Variants in KIR2DL1 observed in about 807,000 individuals in gnomAD.
The protein encoded by KIR2DL1 is killer cell immunoglobulin-like receptor 2DL1.
In KIR2DL1, 38 loss-of-function variants were observed where a neutral mutation model predicts 33.9. The observed-to-expected ratio is 1.12, with a 90% confidence interval of 0.86 to 1.47. KIR2DL1 has a LOEUF of 1.47. Among genes scored for constraint, KIR2DL1 ranks in the 40% most tolerant of loss-of-function variants. The pLI, the probability that KIR2DL1 is intolerant of heterozygous loss-of-function variation, is 0.00. For synonymous variants in KIR2DL1, 179 were observed against 165.9 expected (o/e 1.08, Z -0.61); for missense variants, 531 against 433.9 (o/e 1.22, Z -1.99).
In KIR2DL1 at chr19:54,769,857, C is replaced by A. The variant is rs369195922; in HGVS notation, c.7C>A (p.Leu3Ile). Residue 3 changes from leucine (L) to isoleucine (I), a missense_variant, in exon 1 of 8, where the codon CTC becomes ATC. By Grantham distance (5) the Leu-to-Ile change is conservative (BLOSUM62 2). Transcript: ENST00000336077. MS[L>I]LVVSMACVGF... ...TGTCTGCTCCGGCAGCACCATGTCGCTCTTGGTCGTCAGCATGGCGTGTGT... is the reference window on the plus strand; with the variant it reads ...TGTCTGCTCCGGCAGCACCATGTCGATCTTGGTCGTCAGCATGGCGTGTGT... The A allele has an allele frequency of 6.4e-7, 1 of 1,570,490 alleles. No homozygotes were observed. The highest frequency in any genetic ancestry group is 8.7e-7 in the Non-Finnish European group (1 of 1,147,610).
intron 1 of KIR2DL1, 128 bp downstream of exon 1, chr19:54,770,012 G>C: frequency 8.3e-7 from 1 of 1,208,458 alleles, no homozygotes; most frequent in Non-Finnish European, 1.2e-6. Context: ...TGGATATATG[G>C]GCCTAGAGAT....
At chr19:54,772,895 T>G (rs185518031) in intron 2 of KIR2DL1, among the ~76,000 whole-genome samples, 7 of 136,540 alleles carry the variant, frequency 5.1e-5, no homozygotes, top group East Asian at 2.0e-4. Context: ...TCCCAGTCCC[T>G]ACCAGGAACA....
chr19:54,774,927 G>C (rs2076148065), intron 3 of KIR2DL1, among the ~76,000 whole-genome samples: 2 of 148,490 alleles, frequency 1.3e-5, no homozygotes, highest in Admixed American at 6.8e-5. Flanking sequence ...GAGAGTCAGA[G>C]AGAATAAAAC....
At chr19:54,777,241 C>A (rs2076459350) in intron 4 of KIR2DL1, among the ~76,000 whole-genome samples, 1 of 149,470 alleles carries the variant, frequency 6.7e-6, no homozygotes, top group African/African-American at 2.5e-5. Context: ...CAGGCACACG[C>A]CACCACGCCC....
intron 4 of KIR2DL1, among the ~76,000 whole-genome samples, chr19:54,776,791 C>T (rs2076398260): frequency 6.8e-6 from 1 of 146,790 alleles, no homozygotes; most frequent in South Asian, 2.1e-4. Context: ...CAGGTGCACA[C>T]CACCATGCCT....
chr19:54,778,483 A>T, intron 4 of KIR2DL1, 129 bp from the exon 5 acceptor site: 1 of 936,224 alleles, frequency 1.1e-6, no homozygotes, highest in Non-Finnish European at 1.6e-6. Flanking sequence ...TATGGAAAAA[A>T]GGATCCCAGG....
At position 54,783,148 on chromosome 19, in the gene KIR2DL1, G is replaced by A. The variant is rs2077231745; in HGVS notation, c.817+125G>A. 4 of 1,137,956 alleles carry A rather than the reference G, an allele frequency of 3.5e-6. No individual in the cohort carries two copies. The African/African-American group carries it at 4.6e-5, about 13-fold the overall frequency. 70.5% of individuals were successfully genotyped at this position (1,137,956 alleles called of 1,614,324 possible). A position where few individuals can be genotyped will look rare whatever the true frequency, so the allele number is the denominator to read the frequency against. ...GCCCAAGGCAGCAGCCACAGAGGCA[G>A]GACTTTCTAGAGAGGGCACCAGACT... On this transcript the variant is annotated intron_variant, in intron 6 of 7. Coordinates refer to ENST00000336077, the MANE Select transcript of KIR2DL1 (RefSeq NM_014218.3).
chr19:54,783,942 T>G lies in KIR2DL1; in HGVS notation c.*129T>G. ...GAGTCTGCATCTTAGGGCATCGATCTTCCTCACACCACAAATCTGAATGTG... is the reference window on the plus strand; with the variant it reads ...GAGTCTGCATCTTAGGGCATCGATCGTCCTCACACCACAAATCTGAATGTG... On this transcript the variant is annotated 3_prime_UTR_variant, in exon 8 of 8. Transcript: ENST00000336077. 7.6e-7 allele frequency: 1 copy of G among 1,308,720 alleles called. No homozygotes were observed. 81.1% of individuals were successfully genotyped at this position (1,308,720 alleles called of 1,614,324 possible). A position where few individuals can be genotyped will look rare whatever the true frequency, so the allele number is the denominator to read the frequency against.
rs748379865 is a variant in KIR2DL1, at chr19:54,783,691, G to A, written c.925G>A (p.Val309Ile). The change falls in exon 8 of 8, where the codon GTT becomes ATT. Residue 309 changes from valine to isoleucine, a missense_variant. Coordinates refer to ENST00000336077, the MANE Select transcript of KIR2DL1 (RefSeq NM_014218.3). ...GACATACACACAGTTGAATCACTGC[G>A]TTTTCACACAGAGAAAAATCACTCG... ...EVTYTQLNHCVFTQRKITRPS... is the reference protein window; with the variant it reads ...EVTYTQLNHCIFTQRKITRPS... The A allele has an allele frequency of 2.5e-5, 40 of 1,613,852 alleles. No homozygotes were observed. In the African/African-American group the frequency reaches 2.5e-4, roughly 10 times the overall value.
chr19:54,773,768 C>T lies in KIR2DL1; in HGVS notation c.370+136C>T, dbSNP rs754760700. On this transcript the variant is annotated intron_variant, in intron 3 of 7. Transcript: ENST00000336077. ...AGAGACTGACTTGGTGAGGTCTGTG[C>T]CAACAGAGACAGAGAAACAGGAGAC... 3.6e-3 allele frequency: 3,568 copies of T among 980,420 alleles called. 159 individuals carry two copies. In the Admixed American group the frequency reaches 0.069, roughly 19 times the overall value. The allele number at this position is 980,420 out of a possible 1,614,324, so 60.7% of individuals were successfully genotyped here.
rs1367067786 is a variant in KIR2DL1 at position 54,779,350 on chromosome 19, C to A, written c.715+688C>A. On this transcript the variant is annotated intron_variant, in intron 5 of 7. Coordinates refer to ENST00000336077, the MANE Select transcript of KIR2DL1 (RefSeq NM_014218.3). ...CAAGGCTGCCTTCCCTCTGAGGATT[C>A]CAGGCACGAATCTGCTTCTCACTTG... Among the ~76,000 whole-genome samples, 7 of 149,202 alleles carry A rather than the reference C, an allele frequency of 4.7e-5. No individual in the cohort carries two copies. The Admixed American group carries it at 4.7e-4, about 10-fold the overall frequency.
At chr19:54,776,267 C>A (rs1272144382) in intron 4 of KIR2DL1, among the ~76,000 whole-genome samples, 4 of 146,542 alleles carry the variant, frequency 2.7e-5, no homozygotes, top group African/African-American at 1.0e-4. Context: ...ATTTTTTTTA[C>A]CCTCCACCCT....
At position 54,774,843 on chromosome 19, in the gene KIR2DL1, C is replaced by T. The variant is rs572699027; in HGVS notation, c.371-322C>T. 3.4e-3 allele frequency among the ~76,000 whole-genome samples: 498 copies of T among 148,060 alleles called. 41 individuals carry two copies. The highest frequency in any genetic ancestry group is 4.1e-3 in the Non-Finnish European group (268 of 66,034). ...TCGATAGATAATAGATAGAAATATG[C>T]AGAAAGTTATGAACAGGACACAAAG... On this transcript the variant is annotated intron_variant, in intron 3 of 7. Transcript: ENST00000336077.
rs369732363 is a variant in KIR2DL1 at position 54,775,207 on chromosome 19, C to G, written c.413C>G (p.Thr138Arg). 2.5e-6 allele frequency: 4 copies of G among 1,597,884 alleles called. No individual in the cohort carries two copies. Among genetic ancestry groups the G allele is most frequent in the Non-Finnish European group, 3.4e-6 (4 of 1,168,930 alleles). Reference protein sequence around the residue: ...KPSLSAQLGPTVLAGENVTLS... With the variant: ...KPSLSAQLGPRVLAGENVTLS... ...TCTCTCTCAGCCCAGCTGGGCCCCA[C>G]GGTTCTGGCAGGAGAGAATGTGACC... The change falls in exon 4 of 8, where the codon ACG (threonine) becomes AGG (arginine). Residue 138 changes from threonine to arginine, a missense_variant. Coordinates refer to ENST00000336077, the MANE Select transcript of KIR2DL1 (RefSeq NM_014218.3).
At chr19:54,770,492 T>C (rs2075563844) in intron 1 of KIR2DL1, among the ~76,000 whole-genome samples, 1 of 144,310 alleles carries the variant, frequency 6.9e-6, no homozygotes, top group East Asian at 2.0e-4. Flanking sequence ...GGAGAGGAGA[T>C]ATGGACCTGG....
chr19:54,772,179 C>T (rs2147433752), intron 2 of KIR2DL1, among the ~76,000 whole-genome samples: 1 of 147,382 alleles, frequency 6.8e-6, no homozygotes, highest in South Asian at 2.2e-4. Context: ...GGGAGACAGC[C>T]TGGACTGTCC....
intron 5 of KIR2DL1, among the ~76,000 whole-genome samples, chr19:54,779,513 C>G (rs2147576349): frequency 6.8e-6 from 1 of 146,080 alleles, no homozygotes; most frequent in South Asian, 2.2e-4. Context: ...CTGAGTGCTG[C>G]TCTCCCTTCT....
intron 1 of KIR2DL1, 78 bp from the exon 2 acceptor site, chr19:54,770,771 A>G: frequency 6.5e-7 from 1 of 1,540,606 alleles, no homozygotes. Context: ...GGCTACCAAG[A>G]CTCACAGCCC....
chr19:54,781,652 TC>T (rs2147619142), intron 5 of KIR2DL1, among the ~76,000 whole-genome samples: 1 of 151,816 alleles, frequency 6.6e-6, no homozygotes, highest in East Asian at 1.9e-4. Flanking sequence ...GGGTGGTCCT[TC>T]CCCCAGCCTC....
Sources: allele counts gnomAD v4.1 joint callset (sites outside exome capture counted in the v4.1 genomes callset), GRCh38; gene constraint gnomAD v4.1.1; transcripts MANE v1.5; gene names NCBI Gene and HGNC (gene_info 2026-07-23, HGNC 2026-07-21).